The following MTUS2 variants were observed in gnomAD, a reference collection of about 807,000 sequenced individuals.
The protein encoded by MTUS2 is microtubule associated scaffold protein 2.
In MTUS2, 40 loss-of-function variants were observed where a neutral mutation model predicts 114.1. The observed-to-expected ratio is 0.35, with a 90% CI of 0.27 to 0.46. MTUS2 has a LOEUF of 0.46. MTUS2 is among the 20% of genes least tolerant of loss of function. MTUS2 has a pLI of 1.00. For missense variants in MTUS2, 1,679 were observed against 1,705.4 expected (o/e 0.98, Z 0.27); for synonymous variants, 688 against 672.0 (o/e 1.02, Z -0.37).
At chr13:28,844,906 C>A (rs907859657) in intron 2 of MTUS2, among the ~76,000 whole-genome samples, 1 of 152,152 alleles carries the variant, frequency 6.6e-6, no homozygotes, top group Admixed American at 6.5e-5. Flanking sequence ...CATGAGCCAC[C>A]ATGCCTGGCC....
At position 29,025,329 on chromosome 13, in the gene MTUS2, G is replaced by C; in HGVS notation, c.631G>C (p.Gly211Arg). ...CCGGGAAGCACGGGGTCAGATACCT[G>C]GGGGTGGGGAGGGGCCACAGAAGAC... ...DSREARGQIP[G>R]GGEGPQKTLP... The change falls in exon 3 of 16, where the codon GGG (glycine) becomes CGG (arginine). Residue 211 changes from glycine to arginine, a missense_variant. Gly to Arg is a moderately radical substitution (Grantham distance 125). Around this residue, in one of 3 missense-constraint regions of MTUS2, gnomAD observed 843 missense variants for 770.8 expected, o/e 1.09. Coordinates refer to ENST00000612955, the MANE Select transcript of MTUS2 (RefSeq NM_001033602.4). 3.7e-6 allele frequency: 6 copies of C among 1,613,874 alleles called. No individual in the cohort carries two copies. The highest frequency in any genetic ancestry group is 5.1e-6 in the Non-Finnish European group (6 of 1,179,880).
chr13:29,225,265 G>A (rs887839586), intron 5 of MTUS2, among the ~76,000 whole-genome samples: 5 of 152,140 alleles, frequency 3.3e-5, no homozygotes, highest in African/African-American at 7.2e-5. Flanking sequence ...GAGGACCATG[G>A]TTTCTTCTAT....
rs573436868 is a variant in MTUS2 at position 29,389,499 on chromosome 13, ATG to A, written c.3117+30028_3117+30029del. On this transcript the variant is annotated intron_variant, in intron 8 of 15. Coordinates refer to ENST00000612955, the MANE Select transcript of MTUS2 (RefSeq NM_001033602.4). Reference sequence around the variant, plus strand: ...TATACACGTGTGTGTATGTGTATATATGTATACACGTGTGTGTATGTGTATAT... The same window carrying A: ...TATACACGTGTGTGTATGTGTATATATATACACGTGTGTGTATGTGTATAT... Among the ~76,000 whole-genome samples the A allele has an allele frequency of 2.7e-5, 3 of 111,680 alleles. 1 individual carries two copies. The highest frequency in any genetic ancestry group is 9.4e-5 in the African/African-American group (3 of 31,826). The allele number at this position is 111,680 out of a possible 152,430, so 73.3% of individuals were successfully genotyped here. A position where few individuals can be genotyped will look rare whatever the true frequency, so the allele number is the denominator to read the frequency against.
intron 2 of MTUS2, among the ~76,000 whole-genome samples, chr13:28,853,084 T>G (rs1226156173): frequency 1.5e-5 from 2 of 136,932 alleles, no homozygotes; most frequent in Non-Finnish European, 3.2e-5. Flanking sequence ...CAACAGTTAC[T>G]TAAATGTTCT....
In MTUS2 at chr13:29,503,275, C is replaced by T. The variant is rs1042010072; in HGVS notation, c.*69C>T. On this transcript the variant is annotated 3_prime_UTR_variant, in exon 16 of 16. Coordinates refer to ENST00000612955, the MANE Select transcript of MTUS2 (RefSeq NM_001033602.4). Reference sequence around the variant, plus strand: ...GTCTCCACCCTGAGGGAGCACCGACCCGGTGCCGCCGGAGCTGGCCCTGTG... The same window carrying T: ...GTCTCCACCCTGAGGGAGCACCGACTCGGTGCCGCCGGAGCTGGCCCTGTG... 4.5e-6 allele frequency: 7 copies of T among 1,548,618 alleles called. No individual in the cohort carries two copies. The highest frequency in any genetic ancestry group is 2.7e-5 in the African/African-American group (2 of 73,564).
intron 5 of MTUS2, among the ~76,000 whole-genome samples, chr13:29,261,017 T>A (rs1182527812): frequency 1.3e-5 from 2 of 152,000 alleles, no homozygotes; most frequent in African/African-American, 4.8e-5. Flanking sequence ...GAAAGAGTCC[T>A]CCAGCTGTGT....
intron 8 of MTUS2, among the ~76,000 whole-genome samples, chr13:29,429,735 ATTGAATTG>A (rs1277748364): frequency 1.3e-5 from 2 of 152,228 alleles, no homozygotes; most frequent in East Asian, 3.9e-4. Context: ...GGATTTCACA[ATTGAATTG>A]TTGAAATTGC....
chr13:29,353,556 C>A (rs1329011474), intron 7 of MTUS2, among the ~76,000 whole-genome samples: 1 of 152,200 alleles, frequency 6.6e-6, no homozygotes, highest in Non-Finnish European at 1.5e-5. Flanking sequence ...TCACCTCAGC[C>A]TCCCAAAGTG....
At chr13:29,360,748 T>C (rs1870173183) in intron 8 of MTUS2, among the ~76,000 whole-genome samples, 1 of 129,294 alleles carries the variant, frequency 7.7e-6, no homozygotes, top group African/African-American at 2.8e-5. Flanking sequence ...CCAAGAGGCC[T>C]GACTGGCCAT....
chr13:29,041,716 G>T (rs1409346371), intron 4 of MTUS2, among the ~76,000 whole-genome samples: 1 of 151,696 alleles, frequency 6.6e-6, no homozygotes, highest in Non-Finnish European at 1.5e-5. Flanking sequence ...TTGTTTGTTT[G>T]TTTTGCAGCT....
At chr13:29,237,963 G>C (rs963051628) in intron 5 of MTUS2, among the ~76,000 whole-genome samples, 7 of 152,180 alleles carry the variant, frequency 4.6e-5, no homozygotes, top group Admixed American at 4.6e-4. Flanking sequence ...CATGTATACT[G>C]TTGGTTGGGA....
At chr13:29,112,203 G>A (rs887703576) in intron 5 of MTUS2, among the ~76,000 whole-genome samples, 1 of 152,222 alleles carries the variant, frequency 6.6e-6, no homozygotes, top group East Asian at 1.9e-4. Context: ...GAAATGGGAA[G>A]AGGGAAGCTG....
Position 29,497,191 on chromosome 13 carries a change from G to C in MTUS2, c.3580-47G>C, listed in dbSNP as rs1331882953. The C allele has an allele frequency of 7.2e-6, 11 of 1,537,796 alleles. No individual in the cohort carries two copies. The Admixed American group carries it at 1.3e-4, about 19-fold the overall frequency. On this transcript the variant is annotated intron_variant, in intron 12 of 15. Coordinates refer to ENST00000612955, the MANE Select transcript of MTUS2 (RefSeq NM_001033602.4). ...CACAGCTGCCCAGGCTGTGGTGGCT[G>C]CTGTCTGTAGTGGCCCCAGCTGGAC...
intron 5 of MTUS2, among the ~76,000 whole-genome samples, chr13:29,169,195 G>C (rs1411893468): frequency 2.0e-5 from 3 of 152,090 alleles, no homozygotes; most frequent in African/African-American, 7.2e-5. Flanking sequence ...TGTAATGCTT[G>C]TCATTTTATA....
intron 5 of MTUS2, among the ~76,000 whole-genome samples, chr13:29,169,549 A>T (rs1893465134): frequency 6.6e-6 from 1 of 151,838 alleles, no homozygotes; most frequent in Non-Finnish European, 1.5e-5. Context: ...TATACAGGAG[A>T]CTCTTCTGGG....
At chr13:29,164,425 A>G (rs112279356) in intron 5 of MTUS2, among the ~76,000 whole-genome samples, 9 of 152,374 alleles carry the variant, frequency 5.9e-5, no homozygotes, top group African/African-American at 2.2e-4. Context: ...GTGGGAAGAC[A>G]TGTAGGTATC....
At chr13:29,232,242 A>G (rs192722114) in intron 5 of MTUS2, among the ~76,000 whole-genome samples, 134 of 152,230 alleles carry the variant, frequency 8.8e-4, no homozygotes, top group Non-Finnish European at 1.6e-3. Context: ...ATGATTTCCA[A>G]AAACAATGTG....
chr13:28,963,695 T>C (rs933601619), intron 2 of MTUS2, among the ~76,000 whole-genome samples: 1 of 149,388 alleles, frequency 6.7e-6, no homozygotes, highest in African/African-American at 2.6e-5. Flanking sequence ...GAGTTGTCTG[T>C]GGACGCTTTC....
intron 6 of MTUS2, among the ~76,000 whole-genome samples, chr13:29,304,752 G>A (rs6490384): frequency 0.78 from 118,087 of 152,064 alleles, 46,002 homozygotes; most frequent in East Asian, 0.97. Flanking sequence ...TAACAAAGAT[G>A]TTCAGGATCT....
Sources: gnomAD v4.1 joint callset for allele counts (sites outside exome capture counted in the v4.1 genomes callset) on GRCh38, gnomAD v4.1.1 for gene constraint, gnomAD v4.1.1 regional missense constraint, MANE v1.5 for transcripts, NCBI Gene and HGNC (gene_info 2026-07-23, HGNC 2026-07-21) for gene names.